The following ARHGAP19 variants were observed in gnomAD, a reference collection of about 807,000 sequenced individuals.
The protein encoded by ARHGAP19 is rho GTPase-activating protein 19.
In ARHGAP19, 48 loss-of-function variants were observed where a neutral mutation model predicts 60.9. The observed-to-expected ratio is 0.79, with a 90% CI of 0.62 to 1.00. The LOEUF (loss-of-function observed/expected upper bound fraction) is 1.00, where lower values mean the gene tolerates loss of function less well. Among genes scored for constraint, ARHGAP19 ranks in the 50% least tolerant of loss-of-function variants. The probability of loss-of-function intolerance (pLI) is 0.00; values close to 1 mark genes in which losing one functional copy is unlikely to be tolerated. For missense variants in ARHGAP19, 562 were observed against 597.2 expected, an observed-to-expected ratio of 0.94 and a Z score of 0.61; for synonymous variants, 209 against 215.5, an observed-to-expected ratio of 0.97 and a Z score of 0.27.
intron 1 of ARHGAP19, among the ~76,000 whole-genome samples, chr10:97,282,286 G>A (rs866781348): frequency 9.2e-5 from 14 of 152,164 alleles, no homozygotes; most frequent in Admixed American, 3.3e-4. Flanking sequence ...GACTGACACC[G>A]TTGGTGGCCT....
chr10:97,260,314 A>G (rs994193371), intron 4 of ARHGAP19, among the ~76,000 whole-genome samples: 46 of 149,396 alleles, frequency 3.1e-4, no homozygotes, highest in African/African-American at 1.1e-3. Context: ...GCGGATCACA[A>G]GGTCAGGAGA....
chr10:97,234,192 A>C (rs1435091843), intron 9 of ARHGAP19, among the ~76,000 whole-genome samples: 1 of 151,766 alleles, frequency 6.6e-6, no homozygotes, highest in African/African-American at 2.4e-5. Flanking sequence ...GCTTGAACCC[A>C]AGAGGGGGAG....
Position 97,222,517 on chromosome 10 carries a change from T to C in ARHGAP19, c.*3605A>G, listed in dbSNP as rs1024463375. 2.0e-5 allele frequency: 3 copies of C among 152,530 alleles called. No homozygotes were observed. Among genetic ancestry groups the C allele is most frequent in the African/African-American group, 2.4e-5 (1 of 41,596 alleles). The allele number at this position is 152,530 out of a possible 1,614,324, so 9.4% of individuals were successfully genotyped here. ...GGTAACCCAAGCACTCAGGCTATTA[T>C]GTCCCACACCTCCTCGCTGGCCTGC... On this transcript the variant is annotated 3_prime_UTR_variant, in exon 12 of 12. Coordinates refer to ENST00000358531, the MANE Select transcript of ARHGAP19 (RefSeq NM_032900.6).
At position 97,292,622 on chromosome 10, in the gene ARHGAP19, C is replaced by A. The variant is rs559089484; in HGVS notation, c.6G>T (p.Ala2=). 11 of 1,614,210 alleles carry A rather than the reference C, an allele frequency of 6.8e-6. No individual in the cohort carries two copies. In the Admixed American group the frequency reaches 1.5e-4, roughly 22 times the overall value. The change falls in exon 1 of 12, where the codon GCG becomes GCT. Residue 2 remains alanine, a synonymous_variant. Coordinates refer to ENST00000358531, the MANE Select transcript of ARHGAP19 (RefSeq NM_032900.6). M[A]TEAQSEGEVP... The stretch of plus-strand genomic sequence containing the variant: ...CCTCCCCTTCACTCTGTGCCTCAGT[C>A]GCCATCTTCGTCAGCAAACTTCTTT...
chr10:97,225,984 G>A lies in ARHGAP19; in HGVS notation c.*138C>T, dbSNP rs936678162. On this transcript the variant is annotated 3_prime_UTR_variant, in exon 12 of 12. Coordinates refer to ENST00000358531, the MANE Select transcript of ARHGAP19 (RefSeq NM_032900.6). ...TGAGTGGGGTTAGAGGTATCAGTCG[G>A]GTCACGGTATTAGTTGGCTTTGACA... 2 of 847,592 alleles carry A rather than the reference G, an allele frequency of 2.4e-6. No homozygotes were observed. Among genetic ancestry groups the A allele is most frequent in the African/African-American group, 1.7e-5 (1 of 58,682 alleles). 52.5% of individuals were successfully genotyped at this position (847,592 alleles called of 1,614,324 possible).
chr10:97,287,989 G>C (rs1843177366), intron 1 of ARHGAP19, among the ~76,000 whole-genome samples: 1 of 152,154 alleles, frequency 6.6e-6, no homozygotes, highest in Non-Finnish European at 1.5e-5. Context: ...TTGAACCCAG[G>C]AGGTGGAGGT....
intron 9 of ARHGAP19, 70 bp downstream of exon 9, chr10:97,235,147 T>C (rs1351098160): frequency 1.4e-6 from 2 of 1,433,598 alleles, no homozygotes; most frequent in African/African-American, 1.4e-5. Flanking sequence ...AAACTTTTTA[T>C]GCATAAGAAA....
intron 6 of ARHGAP19, among the ~76,000 whole-genome samples, chr10:97,250,936 C>T (rs570320028): frequency 1.3e-5 from 2 of 151,418 alleles, no homozygotes; most frequent in East Asian, 2.0e-4. Flanking sequence ...CATGGTGGCA[C>T]GCACCTGTCC....
chr10:97,282,663 G>A (rs1843100388), intron 1 of ARHGAP19, among the ~76,000 whole-genome samples: 1 of 152,056 alleles, frequency 6.6e-6, no homozygotes, highest in East Asian at 1.9e-4. Context: ...CTGGAACTCT[G>A]CCCTAGGGAC....
At chr10:97,260,029 G>A (rs895212585) in intron 4 of ARHGAP19, among the ~76,000 whole-genome samples, 4 of 151,102 alleles carry the variant, frequency 2.6e-5, no homozygotes, top group African/African-American at 4.9e-5. Context: ...TAGAGGCGGG[G>A]TTTCACCGTG....
chr10:97,248,101 G>A (rs1272215903), intron 6 of ARHGAP19, among the ~76,000 whole-genome samples: 3 of 152,066 alleles, frequency 2.0e-5, no homozygotes, highest in Non-Finnish European at 4.4e-5. Context: ...AAGTAGCTGG[G>A]ATTACAAGCA....
intron 1 of ARHGAP19, among the ~76,000 whole-genome samples, chr10:97,266,421 C>T (rs1842899735): frequency 6.6e-6 from 1 of 152,214 alleles, no homozygotes; most frequent in African/African-American, 2.4e-5. Flanking sequence ...TCGTCATCAT[C>T]TAAGTCCAAC....
intron 1 of ARHGAP19, among the ~76,000 whole-genome samples, chr10:97,286,319 C>T (rs1282922067): frequency 1.3e-5 from 2 of 152,194 alleles, no homozygotes; most frequent in Admixed American, 6.5e-5. Context: ...AGGCCAGGCA[C>T]GGTGGCTCAC....
chr10:97,235,481 C>T (rs942871210), intron 8 of ARHGAP19, among the ~76,000 whole-genome samples, 166 bp from the exon 9 acceptor site: 1 of 152,084 alleles, frequency 6.6e-6, no homozygotes, highest in Non-Finnish European at 1.5e-5. Flanking sequence ...ATGATGATGC[C>T]AAAAGAAGTG....
At chr10:97,227,673 G>A (rs1850923142) in intron 11 of ARHGAP19, among the ~76,000 whole-genome samples, 2 of 152,092 alleles carry the variant, frequency 1.3e-5, no homozygotes, top group South Asian at 4.1e-4. Flanking sequence ...TCATTATCTC[G>A]ACTTCTCTGA....
chr10:97,229,982 A>G, intron 9 of ARHGAP19, 108 bp from the exon 10 acceptor site: 1 of 806,044 alleles, frequency 1.2e-6, no homozygotes, highest in Non-Finnish European at 1.9e-6. Flanking sequence ...AAATCTCAGC[A>G]TTCTGATAAT....
intron 1 of ARHGAP19, among the ~76,000 whole-genome samples, chr10:97,278,596 A>G (rs1843047122): frequency 6.6e-6 from 1 of 152,242 alleles, no homozygotes; most frequent in African/African-American, 2.4e-5. Flanking sequence ...GCATAAATTT[A>G]TCAATCTAGT....
chr10:97,260,078 G>A (rs1026237634), intron 4 of ARHGAP19, among the ~76,000 whole-genome samples: 2 of 149,408 alleles, frequency 1.3e-5, no homozygotes, highest in African/African-American at 2.5e-5. Flanking sequence ...CTTGTGATCC[G>A]CCTGCCTCAG....
At chr10:97,231,015 C>T (rs1481727555) in intron 9 of ARHGAP19, among the ~76,000 whole-genome samples, 1 of 94,914 alleles carries the variant, frequency 1.1e-5, no homozygotes, top group Non-Finnish European at 2.1e-5. Flanking sequence ...TGAGATCATG[C>T]CACTGCACTC....
Sources: gnomAD v4.1 joint callset for allele counts (sites outside exome capture counted in the v4.1 genomes callset) on GRCh38, gnomAD v4.1.1 for gene constraint, MANE v1.5 for transcripts, NCBI Gene and HGNC (gene_info 2026-07-23, HGNC 2026-07-21) for gene names.